Variants in C12orf42 observed in about 807,000 individuals in gnomAD.
The protein encoded by C12orf42 is chromosome 12 open reading frame 42.
A neutral mutation model predicts 21.6 loss-of-function variants in C12orf42; 25 were observed. That is an observed-to-expected ratio of 1.16 (90% CI 0.84 to 1.62). The LOEUF is 1.62. C12orf42 is among the 40% of genes most tolerant of loss of function. The pLI, the probability that C12orf42 is intolerant of heterozygous loss-of-function variation, is 0.00. For synonymous variants in C12orf42, 174 were observed against 175.0 expected (o/e 0.99, Z 0.05); for missense variants, 483 against 459.3 (o/e 1.05, Z -0.47).
chr12:103,244,082 A>C lies in C12orf42; in HGVS notation c.*1367-6180T>G, dbSNP rs77615902. Among the ~76,000 whole-genome samples the C allele has an allele frequency of 6.3e-3, 955 of 152,282 alleles. 10 individuals are homozygous for C. Among genetic ancestry groups the C allele is most frequent in the African/African-American group, 0.022 (908 of 41,572 alleles). On this transcript the variant is annotated intron_variant and NMD_transcript_variant, in intron 10 of 10. Transcript: ENST00000547347. The stretch of plus-strand genomic sequence containing the variant: ...GCTACAGGGTAGGCAAGAGAAAAAT[A>C]GGAATCTGACCTCAGACTGCCTTTA...
chr12:103,526,382 G>A, the C12orf42 span, among the ~76,000 whole-genome samples: 1 of 152,158 alleles, frequency 6.6e-6, no homozygotes, highest in African/African-American at 2.4e-5. Context: ...ATCATTGCAC[G>A]AGTTGTCTGG....
chr12:103,352,375 G>A (rs2043175503), intron 4 of C12orf42, among the ~76,000 whole-genome samples: 1 of 152,084 alleles, frequency 6.6e-6, no homozygotes, highest in East Asian at 1.9e-4. Context: ...TATCACAATG[G>A]CACTAAAACA....
At chr12:103,525,636 A>C in the C12orf42 span, among the ~76,000 whole-genome samples, 3 of 152,214 alleles carry the variant, frequency 2.0e-5, no homozygotes, top group African/African-American at 7.2e-5. Context: ...ATAAGTATCA[A>C]TATTATTATA....
intron 2 of C12orf42, chr12:103,431,124 G>A (rs908496185): frequency 7.2e-5 from 11 of 152,030 alleles, no homozygotes; most frequent in Admixed American, 2.0e-4. Flanking sequence ...GTACTATGAG[G>A]AGAATATAAT....
intron 2 of C12orf42, among the ~76,000 whole-genome samples, chr12:103,462,097 T>TTTTTTTTTTTTTG (rs1491533495): frequency 2.2e-5 from 1 of 46,034 alleles, no homozygotes; most frequent in Non-Finnish European, 4.2e-5. Context: ...TTTTGCTTGG[T>TTTTTTTTTTTTTG]TTTTTTTTTT....
chr12:103,200,974 T>A, the C12orf42 span, among the ~76,000 whole-genome samples: 3 of 152,242 alleles, frequency 2.0e-5, no homozygotes, highest in Non-Finnish European at 4.4e-5. Flanking sequence ...AAGCAATTTC[T>A]GCATCCTGCT....
chr12:103,181,922 A>G, the C12orf42 span, among the ~76,000 whole-genome samples: 1 of 152,228 alleles, frequency 6.6e-6, no homozygotes, highest in African/African-American at 2.4e-5. Flanking sequence ...TTTCCCTAGG[A>G]TGAAAGACTC....
intron 4 of C12orf42, among the ~76,000 whole-genome samples, chr12:103,333,787 A>C (rs1356178262): frequency 6.6e-6 from 1 of 152,242 alleles, no homozygotes; most frequent in South Asian, 2.1e-4. Context: ...TGCTTTCAAA[A>C]GCACACAAAA....
intron 2 of C12orf42, among the ~76,000 whole-genome samples, chr12:103,420,877 G>A (rs184333129): frequency 1.3e-5 from 2 of 152,200 alleles, no homozygotes; most frequent in African/African-American, 2.4e-5. Flanking sequence ...GATTATTTGT[G>A]GTTATGAATA....
chr12:103,418,764 A>G (rs958581355), intron 2 of C12orf42, among the ~76,000 whole-genome samples: 2 of 151,402 alleles, frequency 1.3e-5, no homozygotes, highest in Non-Finnish European at 3.0e-5. Context: ...CAATCAACAG[A>G]TAGGCAGAAA....
downstream of C12orf42, among the ~76,000 whole-genome samples, chr12:103,265,037 A>G (rs890963387): frequency 9.9e-5 from 15 of 152,156 alleles, no homozygotes; most frequent in African/African-American, 3.1e-4. Context: ...AAATGCCAGC[A>G]TGGTCGGGTT....
chr12:103,098,680 G>T, the C12orf42 span, among the ~76,000 whole-genome samples: 2 of 152,186 alleles, frequency 1.3e-5, no homozygotes, highest in African/African-American at 4.8e-5. Context: ...TTTTGAAAAT[G>T]CTGCCTAAGA....
intron 4 of C12orf42, among the ~76,000 whole-genome samples, chr12:103,350,691 C>G (rs1418630735): frequency 6.6e-6 from 1 of 151,970 alleles, no homozygotes; most frequent in Non-Finnish European, 1.5e-5. Flanking sequence ...TTTTTCAGTC[C>G]CACCTTCTAC....
chr12:103,281,312 A>G (rs1250581455), intron 4 of C12orf42, among the ~76,000 whole-genome samples: 3 of 152,234 alleles, frequency 2.0e-5, no homozygotes, highest in Non-Finnish European at 4.4e-5. Flanking sequence ...GAATAAGCAT[A>G]AACATGGGAA....
intron 5 of C12orf42, among the ~76,000 whole-genome samples, chr12:103,275,300 A>G (rs1249622438): frequency 6.6e-6 from 1 of 152,196 alleles, no homozygotes; most frequent in Admixed American, 6.5e-5. Flanking sequence ...TTAAAACTAT[A>G]AAAGAGTATC....
At chr12:103,106,975 G>T in the C12orf42 span, among the ~76,000 whole-genome samples, 2 of 151,894 alleles carry the variant, frequency 1.3e-5, no homozygotes, top group Admixed American at 1.3e-4. Context: ...ACCAAAAGAA[G>T]GCAGATGCAG....
At chr12:103,316,340 T>C (rs762852108) in intron 4 of C12orf42, among the ~76,000 whole-genome samples, 1 of 152,016 alleles carries the variant, frequency 6.6e-6, no homozygotes, top group Non-Finnish European at 1.5e-5. Context: ...CAGAATTCTA[T>C]ATCCAGTAAA....
intron 10 of C12orf42, among the ~76,000 whole-genome samples, chr12:103,249,498 C>G (rs2034177786): frequency 6.6e-6 from 1 of 151,990 alleles, no homozygotes. Context: ...CAACTCTAGA[C>G]TCAGTCTAGA....
chr12:103,112,887 C>G, the C12orf42 span, among the ~76,000 whole-genome samples: 1 of 152,174 alleles, frequency 6.6e-6, no homozygotes, highest in Non-Finnish European at 1.5e-5. Flanking sequence ...ACTCACCACA[C>G]AGTGCTGTAC....
Sources: allele counts gnomAD v4.1 joint callset (sites outside exome capture counted in the v4.1 genomes callset), GRCh38; gene constraint gnomAD v4.1.1; transcripts MANE v1.5; gene names NCBI Gene and HGNC (gene_info 2026-07-23, HGNC 2026-07-21).